Variants in ZBTB8OS observed in about 807,000 individuals in gnomAD.
ZBTB8OS encodes the protein tRNA-splicing ligase-activating factor archease.
A neutral mutation model predicts 29.3 loss-of-function variants in ZBTB8OS; 16 were observed. That is an observed-to-expected ratio of 0.55 (90% CI 0.37 to 0.83). The LOEUF (loss-of-function observed/expected upper bound fraction) is 0.83. ZBTB8OS is among the 40% of genes least tolerant of loss of function. The pLI is 0.00. For synonymous variants in ZBTB8OS, 70 were observed against 64.6 expected (o/e 1.08, Z -0.40); for missense variants, 160 against 196.9 (o/e 0.81, Z 1.12).
At chr1:32,638,047 G>A (rs1262774759) in intron 1 of ZBTB8OS, among the ~76,000 whole-genome samples, 1 of 151,758 alleles carries the variant, frequency 6.6e-6, no homozygotes, top group African/African-American at 2.4e-5. Context: ...ATGTTGGCCA[G>A]GCAGGTCTCA....
At chr1:32,641,272 T>G (rs796471514) in intron 1 of ZBTB8OS, among the ~76,000 whole-genome samples, 39 of 115,946 alleles carry the variant, frequency 3.4e-4, no homozygotes, top group South Asian at 5.0e-4. Flanking sequence ...CAAGTTTTTT[T>G]TTTTTTTTTT....
intron 1 of ZBTB8OS, among the ~76,000 whole-genome samples, chr1:32,645,753 C>G (rs1336274104): frequency 1.3e-5 from 2 of 152,128 alleles, no homozygotes; most frequent in African/African-American, 2.4e-5. Flanking sequence ...ACCTCAGCCT[C>G]TGGAGTAGCT....
chr1:32,634,459 T>TCA, intron 2 of ZBTB8OS: 1 of 432,414 alleles, frequency 2.3e-6, no homozygotes, highest in Non-Finnish European at 4.2e-6. Flanking sequence ...ACTCCTGACC[T>TCA]CATGATCCGT....
At chr1:32,650,142 G>A (rs1647220981) in intron 1 of ZBTB8OS, among the ~76,000 whole-genome samples, 1 of 152,136 alleles carries the variant, frequency 6.6e-6, no homozygotes, top group South Asian at 2.1e-4. Flanking sequence ...GCAAACGCCT[G>A]AAAATATGGT....
chr1:32,627,496 T>A lies in ZBTB8OS; in HGVS notation c.417+12A>T. 1 of 1,612,912 alleles carries A rather than the reference T, an allele frequency of 6.2e-7. No homozygotes were observed. Among genetic ancestry groups the A allele is most frequent in the Non-Finnish European group, 8.5e-7 (1 of 1,179,574 alleles). ...TTTTTCATGTTCTTAATGGCTGGATTTTAAAACATACCTGAGGGTGCTTGG... is the reference window on the plus strand; with the variant it reads ...TTTTTCATGTTCTTAATGGCTGGATATTAAAACATACCTGAGGGTGCTTGG... On this transcript the variant is annotated intron_variant, in intron 6 of 6. Coordinates refer to ENST00000468695, the MANE Select transcript of ZBTB8OS (RefSeq NM_178547.5).
At chr1:32,638,983 TTTTA>T (rs1454666142) in intron 1 of ZBTB8OS, among the ~76,000 whole-genome samples, 1 of 152,076 alleles carries the variant, frequency 6.6e-6, no homozygotes, top group Non-Finnish European at 1.5e-5. Context: ...ATCTTTTTGC[TTTTA>T]TTTATTTATC....
intron 4 of ZBTB8OS, 113 bp from the exon 5 acceptor site, chr1:32,631,992 CTTT>C (rs71006345): frequency 0.016 from 2,105 of 134,716 alleles, no homozygotes; most frequent in South Asian, 0.044. Context: ...TTGGTAAAAC[CTTT>C]TTTTTTTTTT....
chr1:32,631,992 CTTTT>C (rs71006345), intron 4 of ZBTB8OS, 113 bp from the exon 5 acceptor site: 787 of 135,150 alleles, frequency 5.8e-3, no homozygotes, highest in South Asian at 0.015. Flanking sequence ...TTGGTAAAAC[CTTTT>C]TTTTTTTTTT....
chr1:32,631,720 A>T, intron 5 of ZBTB8OS, 107 bp downstream of exon 5: 1 of 799,150 alleles, frequency 1.3e-6, no homozygotes. Flanking sequence ...CACAAAACTC[A>T]ATCTGCAAGT....
intron 6 of ZBTB8OS, among the ~76,000 whole-genome samples, chr1:32,623,929 G>A (rs1644918062): frequency 6.6e-6 from 1 of 152,080 alleles, no homozygotes; most frequent in Non-Finnish European, 1.5e-5. Flanking sequence ...GGAGCAGGTG[G>A]AGATCATTGA....
chr1:32,644,969 AAGAG>A (rs1178465033), intron 1 of ZBTB8OS, among the ~76,000 whole-genome samples: 1 of 149,320 alleles, frequency 6.7e-6, no homozygotes, highest in Non-Finnish European at 1.5e-5. Context: ...TCACGAGGTC[AAGAG>A]ATTGAGACCA....
At chr1:32,647,663 A>C (rs1646960242) in intron 1 of ZBTB8OS, among the ~76,000 whole-genome samples, 1 of 152,140 alleles carries the variant, frequency 6.6e-6, no homozygotes, top group Non-Finnish European at 1.5e-5. Context: ...CTTGAACACT[A>C]TTGTGAACTG....
Position 32,621,160 on chromosome 1 carries a change from G to A in ZBTB8OS, c.*702C>T, listed in dbSNP as rs1355329582. The A allele has an allele frequency of 6.6e-6, 1 of 152,164 alleles. No individual in the cohort carries two copies. The highest frequency in any genetic ancestry group is 1.5e-5 in the Non-Finnish European group (1 of 68,036). The allele number at this position is 152,164 out of a possible 1,614,324, so 9.4% of individuals were successfully genotyped here. A position where few individuals can be genotyped will look rare whatever the true frequency, so the allele number is the denominator to read the frequency against. On this transcript the variant is annotated 3_prime_UTR_variant, in exon 7 of 7. Transcript: ENST00000468695. ...TCATGCCTGTAATCGCAGTACCTTG[G>A]GAGGCCAAGGTGGGCGGATCACAAG... is the stretch of plus-strand genomic sequence containing the variant.
chr1:32,649,635 C>T (rs1225765179), intron 1 of ZBTB8OS, among the ~76,000 whole-genome samples: 2 of 118,532 alleles, frequency 1.7e-5, no homozygotes, highest in Admixed American at 7.9e-5. Flanking sequence ...TCTCTAAAAA[C>T]ACACACACAC....
At position 32,621,586 on chromosome 1, in the gene ZBTB8OS, C is replaced by G. The variant is rs1644760956; in HGVS notation, c.*276G>C. 2 of 372,946 alleles carry G rather than the reference C, an allele frequency of 5.4e-6. No individual in the cohort carries two copies. Among genetic ancestry groups the G allele is most frequent in the Admixed American group, 9.2e-5 (2 of 21,812 alleles). The allele number at this position is 372,946 out of a possible 1,614,324, so 23.1% of individuals were successfully genotyped here. A position where few individuals can be genotyped will look rare whatever the true frequency, so the allele number is the denominator to read the frequency against. On this transcript the variant is annotated 3_prime_UTR_variant, in exon 7 of 7. Coordinates refer to ENST00000468695, the MANE Select transcript of ZBTB8OS (RefSeq NM_178547.5). ...GAGGGCTTGCATTGCACTGGAAGGGCATGAGGCACACCTACTGCCACAGCA... is the reference window on the plus strand; with the variant it reads ...GAGGGCTTGCATTGCACTGGAAGGGGATGAGGCACACCTACTGCCACAGCA...
chr1:32,650,784 C>T, upstream of ZBTB8OS: 1 of 594,870 alleles, frequency 1.7e-6, no homozygotes, highest in East Asian at 3.1e-5. Flanking sequence ...TTGAAGGGCA[C>T]CTTGAATGAA....
At chr1:32,635,276 C>CTTTT (rs4011958) in intron 1 of ZBTB8OS, among the ~76,000 whole-genome samples, 1 of 141,906 alleles carries the variant, frequency 7.0e-6, no homozygotes, top group Non-Finnish European at 1.5e-5. Context: ...TATCATGACT[C>CTTTT]TTTTTTTTTT....
rs1380678604 is a variant in ZBTB8OS at position 32,634,807 on chromosome 1, GA to G, written c.98-16del. Reference sequence around the variant, plus strand: ...ATGATCCAAATCTGAGGGACAGAGGGAAAAACACTTATAAGACACTAAACTT... The same window carrying G: ...ATGATCCAAATCTGAGGGACAGAGGGAAAACACTTATAAGACACTAAACTT... On this transcript the variant is annotated splice_polypyrimidine_tract_variant and intron_variant, in intron 1 of 6. Transcript: ENST00000468695. 6.4e-7 allele frequency: 1 copy of G among 1,563,428 alleles called. No individual in the cohort carries two copies. The highest frequency in any genetic ancestry group is 8.8e-7 in the Non-Finnish European group (1 of 1,133,992).
At chr1:32,623,182 G>A (rs902512523) in intron 6 of ZBTB8OS, among the ~76,000 whole-genome samples, 1 of 152,194 alleles carries the variant, frequency 6.6e-6, no homozygotes, top group Non-Finnish European at 1.5e-5. Flanking sequence ...TTCACAGAAG[G>A]ATATAAGTGG....
Sources: gnomAD v4.1 joint callset for allele counts (sites outside exome capture counted in the v4.1 genomes callset) on GRCh38, gnomAD v4.1.1 for gene constraint, MANE v1.5 for transcripts, NCBI Gene and HGNC (gene_info 2026-07-23, HGNC 2026-07-21) for gene names.